Variants in SLC26A4 observed in about 807,000 individuals in gnomAD.
The protein encoded by SLC26A4 is pendrin.
A neutral mutation model predicts 90.4 loss-of-function variants in SLC26A4; 93 were observed. The ratio of observed to expected loss-of-function variants is 1.03; its 90% confidence interval spans 0.87 to 1.22. The LOEUF is 1.22. Ranked by LOEUF, SLC26A4 falls within the 50% of genes most tolerant of loss-of-function variation. The pLI, the probability that SLC26A4 is intolerant of heterozygous loss-of-function variation, is 0.00. For synonymous variants in SLC26A4, 393 were observed against 354.6 expected, an observed-to-expected ratio of 1.11 and a Z score of -1.22; for missense variants, 1,127 against 946.2, an observed-to-expected ratio of 1.19 and a Z score of -2.51.
At chr7:107,682,537 A>G (rs887161633) in intron 6 of SLC26A4, among the ~76,000 whole-genome samples, 1 of 152,166 alleles carries the variant, frequency 6.6e-6, no homozygotes, top group Non-Finnish European at 1.5e-5. Context: ...CTGTATCCAC[A>G]TATGAAGTAT....
intron 10 of SLC26A4, among the ~76,000 whole-genome samples, chr7:107,691,378 T>C (rs1323711184): frequency 6.6e-6 from 1 of 151,872 alleles, no homozygotes; most frequent in Admixed American, 6.6e-5. Context: ...GGTAGATGCC[T>C]GTAATCCCAG....
At chr7:107,714,058 A>G (rs1792270655) in intron 20 of SLC26A4, among the ~76,000 whole-genome samples, 1 of 150,190 alleles carries the variant, frequency 6.7e-6, no homozygotes, top group Non-Finnish European at 1.5e-5. Flanking sequence ...AGTTGGGATT[A>G]CAGGCGCTCG....
chr7:107,682,706 C>A (rs1051402767), intron 6 of SLC26A4, among the ~76,000 whole-genome samples: 15 of 151,388 alleles, frequency 9.9e-5, no homozygotes, highest in African/African-American at 3.6e-4. Flanking sequence ...ACAAAAAAAA[C>A]AACCAACTGA....
intron 9 of SLC26A4, among the ~76,000 whole-genome samples, chr7:107,689,793 A>G (rs557868148): frequency 6.6e-6 from 1 of 152,236 alleles, no homozygotes; most frequent in Non-Finnish European, 1.5e-5. Flanking sequence ...TATGCTTCAT[A>G]GTGAATATTC....
chr7:107,679,608 G>A (rs958015755), intron 6 of SLC26A4, among the ~76,000 whole-genome samples: 1 of 150,590 alleles, frequency 6.6e-6, no homozygotes, highest in Non-Finnish European at 1.5e-5. Context: ...AAACACAGCA[G>A]GAAATATAAT....
intron 3 of SLC26A4, among the ~76,000 whole-genome samples, chr7:107,667,739 A>G (rs1790757807): frequency 6.6e-6 from 1 of 152,170 alleles, no homozygotes; most frequent in Admixed American, 6.5e-5. Flanking sequence ...AGTAGTAAAA[A>G]GGGGCAAACG....
intron 8 of SLC26A4, among the ~76,000 whole-genome samples, chr7:107,686,773 C>T (rs563608499): frequency 6.6e-6 from 1 of 152,138 alleles, no homozygotes; most frequent in Non-Finnish European, 1.5e-5. Context: ...GTTATAGACC[C>T]CTTTTGTCAG....
At chr7:107,691,732 C>G in intron 10 of SLC26A4, 4 of 901,910 alleles carry the variant, frequency 4.4e-6, no homozygotes, top group Non-Finnish European at 4.0e-6. Flanking sequence ...TTTTTGGCTG[C>G]TTTTCAACAA....
At chr7:107,662,132 T>G (rs1790577576) in intron 2 of SLC26A4, 1 of 396,390 alleles carries the variant, frequency 2.5e-6, no homozygotes, top group Non-Finnish European at 4.5e-6. Flanking sequence ...CCCTGTTGCC[T>G]TCTTGGGAGC....
intron 8 of SLC26A4, among the ~76,000 whole-genome samples, chr7:107,687,950 A>G (rs1791464407): frequency 1.3e-5 from 2 of 152,076 alleles, no homozygotes; most frequent in South Asian, 4.1e-4. Flanking sequence ...GTGGGGTAGG[A>G]TGGGATATAA....
chr7:107,687,213 A>T (rs539791141), intron 8 of SLC26A4, among the ~76,000 whole-genome samples: 2 of 152,328 alleles, frequency 1.3e-5, no homozygotes, highest in African/African-American at 2.4e-5. Context: ...CAGGCCTGAC[A>T]TGCTTGGCTG....
At chr7:107,704,991 T>G (rs1234954974) in intron 18 of SLC26A4, among the ~76,000 whole-genome samples, 1 of 152,208 alleles carries the variant, frequency 6.6e-6, no homozygotes, top group Non-Finnish European at 1.5e-5. Flanking sequence ...TATTTTTTAT[T>G]TTACTATGTG....
At position 107,694,675 on chromosome 7, in the gene SLC26A4, T is replaced by C. The variant is rs1791688798; in HGVS notation, c.1396T>C (p.Cys466Arg). ...ANLKGMFMQL[C>R]DIPRLWRQNK... Reference sequence around the variant, plus strand: ...CCTGAAAGGGATGTTTATGCAGCTGTGTGACATTCCTCGTCTGTGGAGACA... The same window carrying C: ...CCTGAAAGGGATGTTTATGCAGCTGCGTGACATTCCTCGTCTGTGGAGACA... Residue 466 changes from cysteine to arginine, a missense_variant, in exon 12 of 21, where the codon TGT becomes CGT. By Grantham distance (180) the Cys-to-Arg change is radical. Coordinates refer to ENST00000644269, the MANE Select transcript of SLC26A4 (RefSeq NM_000441.2). The C allele has an allele frequency of 6.2e-7, 1 of 1,613,660 alleles. No homozygotes were observed.
chr7:107,697,901 G>C, intron 13 of SLC26A4, 141 bp from the exon 14 acceptor site: 1 of 685,666 alleles, frequency 1.5e-6, no homozygotes, highest in Non-Finnish European at 2.7e-6. Context: ...TTCAGAGTTA[G>C]CTACAGGAAA....
intron 3 of SLC26A4, among the ~76,000 whole-genome samples, chr7:107,670,631 T>C (rs1009795052): frequency 2.0e-5 from 3 of 152,168 alleles, no homozygotes; most frequent in African/African-American, 7.2e-5. Flanking sequence ...ACCACTTCCC[T>C]GCTTGGGGAC....
At chr7:107,713,028 T>C (rs766988159) in intron 20 of SLC26A4, among the ~76,000 whole-genome samples, 2 of 152,216 alleles carry the variant, frequency 1.3e-5, no homozygotes, top group Non-Finnish European at 2.9e-5. Flanking sequence ...TTCATATGAC[T>C]GATAAAGGCT....
At chr7:107,692,486 G>A (rs925821606) in intron 10 of SLC26A4, among the ~76,000 whole-genome samples, 2 of 152,176 alleles carry the variant, frequency 1.3e-5, no homozygotes, top group African/African-American at 4.8e-5. Flanking sequence ...ACTTGTAAAT[G>A]CTCATTGTTT....
chr7:107,679,949 TATATA>T (rs1247999092), intron 6 of SLC26A4, among the ~76,000 whole-genome samples: 3 of 124,706 alleles, frequency 2.4e-5, no homozygotes, highest in African/African-American at 1.0e-4. Context: ...AATCTTATCT[TATATA>T]ATATAATCTT....
chr7:107,700,296 C>A, intron 15 of SLC26A4, 121 bp downstream of exon 15: 2 of 658,246 alleles, frequency 3.0e-6, no homozygotes, highest in Admixed American at 2.6e-5. Flanking sequence ...TTGTGTAGGG[C>A]AATGAGAATT....
Sources: gnomAD v4.1 joint callset for allele counts (sites outside exome capture counted in the v4.1 genomes callset) on GRCh38, gnomAD v4.1.1 for gene constraint, MANE v1.5 for transcripts, NCBI Gene and HGNC (gene_info 2026-07-23, HGNC 2026-07-21) for gene names.